The following SERGEF variants were observed in gnomAD, a reference collection of about 807,000 sequenced individuals.
SERGEF encodes secretion regulating guanine nucleotide exchange factor, also known as secretion-regulating guanine nucleotide exchange factor.
In SERGEF, 51 loss-of-function variants were observed where a neutral mutation model predicts 50.0. The observed-to-expected ratio is 1.02, with a 90% confidence interval of 0.81 to 1.29. The LOEUF (loss-of-function observed/expected upper bound fraction) is 1.29. Ranked by LOEUF, SERGEF falls within the 50% of genes most tolerant of loss-of-function variation. The pLI is 0.00. For missense variants in SERGEF, 521 were observed against 557.0 expected (o/e 0.94, Z 0.65); for synonymous variants, 205 against 212.4 (o/e 0.97, Z 0.30).
At chr11:17,944,458 C>T (rs952709534) in intron 9 of SERGEF, among the ~76,000 whole-genome samples, 8 of 152,212 alleles carry the variant, frequency 5.3e-5, no homozygotes, top group African/African-American at 1.7e-4. Context: ...CAGTTCACAA[C>T]TGTACATTTC....
At position 18,010,090 on chromosome 11, in the gene SERGEF, C is replaced by G. The variant is rs1226610006; in HGVS notation, c.61-2014G>C. The stretch of plus-strand genomic sequence containing the variant: ...AAGTACCTACTCCTAGCTGGTTCTT[C>G]CTGGAGATGAGAAGTAAAATCTTTT... On this transcript the variant is annotated intron_variant, in intron 1 of 10. Coordinates refer to ENST00000265965, the MANE Select transcript of SERGEF (RefSeq NM_012139.4). 3 of 1,248,934 alleles carry G rather than the reference C, an allele frequency of 2.4e-6. No homozygotes were observed. In the East Asian group the frequency reaches 1.7e-4, roughly 70 times the overall value. The allele number at this position is 1,248,934 out of a possible 1,614,324, so 77.4% of individuals were successfully genotyped here. A position where few individuals can be genotyped will look rare whatever the true frequency, so the allele number is the denominator to read the frequency against.
chr11:17,935,942 A>G (rs1852443704), intron 9 of SERGEF, among the ~76,000 whole-genome samples: 1 of 152,060 alleles, frequency 6.6e-6, no homozygotes, highest in Admixed American at 6.6e-5. Flanking sequence ...CAATTGATGA[A>G]TTTCCTCAAA....
intron 10 of SERGEF, among the ~76,000 whole-genome samples, chr11:17,800,418 TG>T (rs1445732911): frequency 6.6e-6 from 1 of 152,218 alleles, no homozygotes; most frequent in African/African-American, 2.4e-5. Context: ...TGAATAGTTT[TG>T]CTGCCCTAAA....
intron 8 of SERGEF, among the ~76,000 whole-genome samples, chr11:17,972,310 A>C (rs1565219318): frequency 1.3e-5 from 2 of 152,236 alleles, no homozygotes; most frequent in Non-Finnish European, 2.9e-5. Context: ...TGTGAAAGGA[A>C]GAGTTCAACT....
chr11:17,912,341 T>A (rs1254042410), intron 9 of SERGEF, among the ~76,000 whole-genome samples: 1 of 152,174 alleles, frequency 6.6e-6, no homozygotes, highest in Non-Finnish European at 1.5e-5. Flanking sequence ...TGATATAATT[T>A]TTCTTTAAAA....
intron 10 of SERGEF, among the ~76,000 whole-genome samples, chr11:17,794,989 G>A (rs1028500629): frequency 7.9e-5 from 12 of 152,224 alleles, no homozygotes; most frequent in African/African-American, 2.4e-4. Flanking sequence ...CATCTGCTGG[G>A]CAGTGGGAAG....
intron 9 of SERGEF, among the ~76,000 whole-genome samples, chr11:17,956,156 C>G (rs988384153): frequency 4.0e-5 from 6 of 151,872 alleles, no homozygotes; most frequent in African/African-American, 1.4e-4. Flanking sequence ...CCTACAAGGT[C>G]TAAAATCTCA....
intron 9 of SERGEF, among the ~76,000 whole-genome samples, chr11:17,952,301 A>G (rs938887666): frequency 6.6e-6 from 1 of 152,226 alleles, no homozygotes; most frequent in Non-Finnish European, 1.5e-5. Flanking sequence ...ATAAATAAAT[A>G]AAACTAACAT....
At chr11:17,841,571 C>A (rs1231946787) in intron 10 of SERGEF, among the ~76,000 whole-genome samples, 1 of 152,180 alleles carries the variant, frequency 6.6e-6, no homozygotes, top group Non-Finnish European at 1.5e-5. Flanking sequence ...TTTGCCACAT[C>A]CACTTTTGCA....
chr11:17,991,760 T>C lies in SERGEF; in HGVS notation c.685+1171A>G, dbSNP rs1590237744. ...TTAAACTTTCATATTATGGCTCCCGTGCTCTTGAAATAACAACTTCTCAGC... is the reference window on the plus strand; with the variant it reads ...TTAAACTTTCATATTATGGCTCCCGCGCTCTTGAAATAACAACTTCTCAGC... On this transcript the variant is annotated intron_variant, in intron 7 of 10. Coordinates refer to ENST00000265965, the MANE Select transcript of SERGEF (RefSeq NM_012139.4). The surrounding 1 kb of genome is among the most constrained non-coding windows in gnomAD (Gnocchi z 4.9). 6.6e-6 allele frequency among the ~76,000 whole-genome samples: 1 copy of C among 152,232 alleles called. No homozygotes were observed. The highest frequency in any genetic ancestry group is 1.5e-5 in the Non-Finnish European group (1 of 68,038).
chr11:17,950,060 G>A (rs974744432), intron 9 of SERGEF, among the ~76,000 whole-genome samples: 6 of 152,306 alleles, frequency 3.9e-5, no homozygotes, highest in African/African-American at 1.4e-4. Context: ...AGGTGAGGCT[G>A]GGTATTTTGA....
chr11:17,827,463 C>A (rs1455007069), intron 10 of SERGEF, among the ~76,000 whole-genome samples: 2 of 152,188 alleles, frequency 1.3e-5, no homozygotes, highest in African/African-American at 4.8e-5. Context: ...GACAATGACA[C>A]AGGAATAATT....
At chr11:17,947,950 C>CTTTT (rs397848456) in intron 9 of SERGEF, among the ~76,000 whole-genome samples, 3 of 133,564 alleles carry the variant, frequency 2.2e-5, no homozygotes, top group African/African-American at 2.8e-5. Context: ...CTAATCCATT[C>CTTTT]TTTTTTTTTT....
intron 9 of SERGEF, among the ~76,000 whole-genome samples, chr11:17,920,170 CCA>C: frequency 6.6e-6 from 1 of 151,968 alleles, no homozygotes; most frequent in Non-Finnish European, 1.5e-5. Flanking sequence ...TCGCTTGAAC[CCA>C]TGAAGCAGAG....
chr11:17,821,838 G>A (rs923355853), intron 10 of SERGEF, among the ~76,000 whole-genome samples: 5 of 152,170 alleles, frequency 3.3e-5, no homozygotes, highest in African/African-American at 9.7e-5. Flanking sequence ...AGAGTAATGT[G>A]ATTTACTGCT....
At chr11:17,982,190 T>C (rs1301883701) in intron 8 of SERGEF, among the ~76,000 whole-genome samples, 1 of 152,136 alleles carries the variant, frequency 6.6e-6, no homozygotes, top group African/African-American at 2.4e-5. Context: ...CACTTCCTCA[T>C]CATCTCTGGA....
chr11:17,804,230 C>T (rs141567060), intron 10 of SERGEF, among the ~76,000 whole-genome samples: 7 of 152,324 alleles, frequency 4.6e-5, no homozygotes, highest in South Asian at 2.1e-4. Context: ...AGAGCTGTGA[C>T]GCACAACAGA....
chr11:17,974,951 G>A lies in SERGEF; in HGVS notation c.844+13646C>T, dbSNP rs534399521. Among the ~76,000 whole-genome samples the A allele has an allele frequency of 2.2e-3, 330 of 152,324 alleles. 1 individual carries two copies. The highest frequency in any genetic ancestry group is 3.3e-3 in the Non-Finnish European group (225 of 68,034). ...TGGGGCTGGCTGGGGGAGAAAGTGC[G>A]CAGAAGAGAAACTAATGGCTAGAAG... On this transcript the variant is annotated intron_variant, in intron 8 of 10. Coordinates refer to ENST00000265965, the MANE Select transcript of SERGEF (RefSeq NM_012139.4).
chr11:18,013,003 C>T lies in SERGEF; in HGVS notation c.8G>A (p.Arg3His). 1 of 1,429,558 alleles carries T rather than the reference C, an allele frequency of 7.0e-7. No individual in the cohort carries two copies. Among genetic ancestry groups the T allele is most frequent in the Non-Finnish European group, 9.1e-7 (1 of 1,102,834 alleles). 88.6% of individuals were successfully genotyped at this position (1,429,558 alleles called of 1,614,324 possible). Reference sequence around the variant, plus strand: ...GGCGGCCTCCGAGGCGCTGGGCTCGCGCTCCATGCGAGGACGCTCCGCCGG... The same window carrying T: ...GGCGGCCTCCGAGGCGCTGGGCTCGTGCTCCATGCGAGGACGCTCCGCCGG... ME[R>H]EPSASEAAPA... Residue 3 changes from arginine (R) to histidine (H), a missense_variant, in exon 1 of 11, where the codon CGC becomes CAC. Coordinates refer to ENST00000265965, the MANE Select transcript of SERGEF (RefSeq NM_012139.4). The surrounding 1 kb of genome is among the most constrained non-coding windows in gnomAD (Gnocchi z 4.3).
Sources: gnomAD v4.1 joint callset for allele counts (sites outside exome capture counted in the v4.1 genomes callset) on GRCh38, gnomAD v4.1.1 for gene constraint, Gnocchi (gnomAD v3.1) non-coding constraint, MANE v1.5 for transcripts, NCBI Gene and HGNC (gene_info 2026-07-23, HGNC 2026-07-21) for gene names.